The following LRSAM1 variants were observed in gnomAD, a reference collection of about 807,000 sequenced individuals.
The protein encoded by LRSAM1 is leucine rich repeat and sterile alpha motif containing 1, also known as E3 ubiquitin-protein ligase LRSAM1.
A neutral mutation model predicts 118.1 loss-of-function variants in LRSAM1; 96 were observed. The ratio of observed to expected loss-of-function variants is 0.81; its 90% CI spans 0.69 to 0.96. The LOEUF (loss-of-function observed/expected upper bound fraction) is 0.96. Among genes scored for constraint, LRSAM1 ranks in the 40% least tolerant of loss-of-function variants. LRSAM1 has a pLI of 0.00. For missense variants in LRSAM1, 804 were observed against 915.5 expected, an observed-to-expected ratio of 0.88 and a Z score of 1.57; for synonymous variants, 322 against 364.2, an observed-to-expected ratio of 0.88 and a Z score of 1.32.
chr9:127,458,254 C>T (rs913076950), intron 6 of LRSAM1, among the ~76,000 whole-genome samples: 1 of 151,910 alleles, frequency 6.6e-6, no homozygotes, highest in East Asian at 1.9e-4. Flanking sequence ...CGGTGGCGGG[C>T]GCCTGTAGTC....
intron 21 of LRSAM1, among the ~76,000 whole-genome samples, chr9:127,495,085 G>A (rs897557707): frequency 2.0e-5 from 3 of 152,138 alleles, no homozygotes; most frequent in African/African-American, 7.2e-5. Context: ...TCGAGTAGCT[G>A]GGATTACAGG....
chr9:127,453,234 A>G (rs1834388792), intron 2 of LRSAM1, among the ~76,000 whole-genome samples: 3 of 152,024 alleles, frequency 2.0e-5, no homozygotes, highest in Non-Finnish European at 4.4e-5. Flanking sequence ...GGCGCATATC[A>G]CCACGCCCAG....
intron 8 of LRSAM1, among the ~76,000 whole-genome samples, chr9:127,461,560 C>T (rs1282115897): frequency 6.6e-6 from 1 of 152,170 alleles, no homozygotes; most frequent in Non-Finnish European, 1.5e-5. Flanking sequence ...ACTGATGGGG[C>T]GAGAGCTCCT....
At chr9:127,462,229 C>T (rs1834774347) in intron 8 of LRSAM1, 23 bp from the exon 9 acceptor site, 1 of 1,613,740 alleles carries the variant, frequency 6.2e-7, no homozygotes, top group Non-Finnish European at 8.5e-7. Flanking sequence ...GGGTGTTGAG[C>T]TGTGCTATTG....
chr9:127,502,969 G>GC lies in LRSAM1; in HGVS notation c.*72dup. 1.3e-6 allele frequency: 2 copies of GC among 1,545,300 alleles called. No homozygotes were observed. The highest frequency in any genetic ancestry group is 1.7e-6 in the Non-Finnish European group (2 of 1,145,870). On this transcript the variant is annotated 3_prime_UTR_variant, in exon 26 of 26. Coordinates refer to ENST00000300417, the MANE Select transcript of LRSAM1 (RefSeq NM_001005373.4). ...ACTGTGAGCCCCGGGCTCCTGCTCA[G>GC]CCTTGTGCCAGCCAGACTCGTATGA...
intron 7 of LRSAM1, 60 bp downstream of exon 7, chr9:127,459,131 C>G: frequency 3.3e-6 from 5 of 1,520,096 alleles, no homozygotes; most frequent in Non-Finnish European, 4.5e-6. Flanking sequence ...GGCAGTCACT[C>G]AAGCCTGGAA....
At chr9:127,497,476 A>C (rs1836197271) in intron 24 of LRSAM1, 142 bp downstream of exon 24, 2 of 871,142 alleles carry the variant, frequency 2.3e-6, no homozygotes, top group African/African-American at 3.3e-5. Context: ...TTTCCTCCCA[A>C]GGAGCAGGCT....
chr9:127,451,881 T>A (rs1388210165), intron 1 of LRSAM1, 48 bp from the exon 2 acceptor site: 1 of 152,742 alleles, frequency 6.5e-6, no homozygotes, highest in Non-Finnish European at 1.5e-5. Flanking sequence ...TCAGACTTCG[T>A]CATCCCGGTC....
chr9:127,488,080 G>A (rs1383013662), intron 18 of LRSAM1, among the ~76,000 whole-genome samples: 1 of 152,110 alleles, frequency 6.6e-6, no homozygotes, highest in Non-Finnish European at 1.5e-5. Context: ...CACCATGGAG[G>A]TCAGGGCACA....
At chr9:127,495,282 C>G in intron 21 of LRSAM1, 38 bp from the exon 22 acceptor site, 1 of 1,588,056 alleles carries the variant, frequency 6.3e-7, no homozygotes, top group Non-Finnish European at 8.6e-7. Flanking sequence ...GTTTTATTAC[C>G]ATTTTGTGAC....
Position 127,495,334 on chromosome 9 carries a change from C to A in LRSAM1, c.1614C>A (p.Ala538=). The A allele has an allele frequency of 6.2e-7, 1 of 1,614,010 alleles. No individual in the cohort carries two copies. Among genetic ancestry groups the A allele is most frequent in the Non-Finnish European group, 8.5e-7 (1 of 1,179,982 alleles). Residue 538 remains alanine, a synonymous_variant, in exon 22 of 26, where the codon GCC becomes GCA. Coordinates refer to ENST00000300417, the MANE Select transcript of LRSAM1 (RefSeq NM_001005373.4). The part of the protein sequence containing the change: ...ELREILTELE[A]KSETRQENYW... ...ATTCCTGGCAGACGGAGTTAGAAGC[C>A]AAAAGTGAAACCAGGCAGGAAAATT...
chr9:127,492,805 A>G lies in LRSAM1; in HGVS notation c.1507A>G (p.Met503Val), dbSNP rs1242936123. ...KSLDTESLQE[M>V]ISEQRWALSS... ...CGGGGTGTGGTCTTGTTCGCAGGAG[A>G]TGATCTCGGAGCAGCGCTGGGCCCT... Residue 503 changes from methionine (M) to valine (V), a missense_variant, in exon 21 of 26, where the codon ATG (methionine) becomes GTG (valine). Transcript: ENST00000300417. 4 of 1,613,550 alleles carry G rather than the reference A, an allele frequency of 2.5e-6. No individual in the cohort carries two copies. The highest frequency in any genetic ancestry group is 3.4e-6 in the Non-Finnish European group (4 of 1,180,002).
chr9:127,483,449 A>G (rs537666998), intron 16 of LRSAM1, among the ~76,000 whole-genome samples: 5 of 144,974 alleles, frequency 3.4e-5, no homozygotes, highest in African/African-American at 1.0e-4. Context: ...CATTTCTCAG[A>G]AAAAAAAAAA....
rs1335008266 is a variant in LRSAM1, at chr9:127,496,096, G to A, written c.1830+1G>A. On this transcript the variant is annotated splice_donor_variant, in intron 23 of 25. Transcript: ENST00000300417. LOFTEE classifies it high-confidence loss of function. ...AATGAGCCCAGGGGACCTGGCCAAG[G>A]TGGGCAGCAGCCGTCTGCATGGAGG... 1.2e-6 allele frequency: 2 copies of A among 1,608,730 alleles called. No homozygotes were observed. Among genetic ancestry groups the A allele is most frequent in the Non-Finnish European group, 8.5e-7 (1 of 1,179,982 alleles).
intron 16 of LRSAM1, among the ~76,000 whole-genome samples, chr9:127,483,790 G>C (rs1340125109): frequency 6.6e-6 from 1 of 152,100 alleles, no homozygotes; most frequent in Non-Finnish European, 1.5e-5. Context: ...CAGCCTCCGA[G>C]TAGCTAGGAT....
chr9:127,460,762 T>C (rs1834703775), intron 7 of LRSAM1, among the ~76,000 whole-genome samples: 1 of 149,904 alleles, frequency 6.7e-6, no homozygotes, highest in Non-Finnish European at 1.5e-5. Flanking sequence ...AGTGCCTGGG[T>C]GCCCTGGCCC....
rs1378089435 is a variant in LRSAM1 at position 127,458,388 on chromosome 9, C to CA, written c.253-610dup. On this transcript the variant is annotated intron_variant, in intron 6 of 25. Coordinates refer to ENST00000300417, the MANE Select transcript of LRSAM1 (RefSeq NM_001005373.4). ...TGGGCGACAGAGCGAGACTTCGTCT[C>CA]AAAAACAAAACAAAACAAAACAAAA... is the stretch of plus-strand genomic sequence containing the variant. 8.5e-3 allele frequency among the ~76,000 whole-genome samples: 751 copies of CA among 88,284 alleles called. 29 individuals are homozygous for CA. The highest frequency in any genetic ancestry group is 0.045 in the East Asian group (178 of 3,952). The allele number at this position is 88,284 out of a possible 152,430, so 57.9% of individuals were successfully genotyped here. A position where few individuals can be genotyped will look rare whatever the true frequency, so the allele number is the denominator to read the frequency against.
intron 15 of LRSAM1, among the ~76,000 whole-genome samples, chr9:127,482,310 T>G (rs987710089): frequency 2.3e-4 from 35 of 151,910 alleles, no homozygotes; most frequent in African/African-American, 8.2e-4. Flanking sequence ...GTCCGGCTGA[T>G]TTTTGTATTT....
rs999340012 is a variant in LRSAM1 at position 127,467,909 on chromosome 9, G to A, written c.619+79G>A. The A allele has an allele frequency of 1.4e-5, 19 of 1,399,938 alleles. No homozygotes were observed. In the Admixed American group the frequency reaches 3.2e-4, roughly 23 times the overall value. The allele number at this position is 1,399,938 out of a possible 1,614,324, so 86.7% of individuals were successfully genotyped here. A position where few individuals can be genotyped will look rare whatever the true frequency, so the allele number is the denominator to read the frequency against. On this transcript the variant is annotated intron_variant, in intron 10 of 25. Transcript: ENST00000300417. Reference sequence around the variant, plus strand: ...CCACCCTGTGCCAGCCCAGGCTGGGGAACAGCAGAGACAGAAATGGCCACA... The same window carrying A: ...CCACCCTGTGCCAGCCCAGGCTGGGAAACAGCAGAGACAGAAATGGCCACA...
Sources: allele counts gnomAD v4.1 joint callset (sites outside exome capture counted in the v4.1 genomes callset), GRCh38; gene constraint gnomAD v4.1.1; transcripts MANE v1.5; gene names NCBI Gene and HGNC (gene_info 2026-07-23, HGNC 2026-07-21).